KAZN: variants seen among roughly 807,000 people sequenced by gnomAD.
KAZN encodes the protein kazrin, periplakin interacting protein.
KAZN carries 40 observed loss-of-function variants against 87.4 expected under a neutral mutation model. The ratio of observed to expected loss-of-function variants is 0.46; its 90% CI spans 0.36 to 0.60. KAZN has a LOEUF of 0.60. Ranked by LOEUF, KAZN falls within the 20% of genes least tolerant of loss-of-function variation. The probability of loss-of-function intolerance (pLI) is 0.00; values close to 1 mark genes in which losing one functional copy is unlikely to be tolerated. For missense variants in KAZN, 898 were observed against 1,073.9 expected, an observed-to-expected ratio of 0.84 and a Z score of 2.29; for synonymous variants, 466 against 458.3, an observed-to-expected ratio of 1.02 and a Z score of -0.22.
At chr1:14,450,573 G>C (rs373510907) in intron 2 of KAZN, among the ~76,000 whole-genome samples, 61 of 152,230 alleles carry the variant, frequency 4.0e-4, no homozygotes, top group African/African-American at 1.4e-3. Context: ...CTGGGACACA[G>C]AACAAGACTC....
intron 1 of KAZN, among the ~76,000 whole-genome samples, chr1:14,821,944 C>A (rs1646748459): frequency 6.6e-6 from 1 of 152,184 alleles, no homozygotes; most frequent in Admixed American, 6.5e-5. Context: ...CTTACCAGAC[C>A]ACACTGCCTC....
At chr1:14,307,177 TTGAAA>T (rs1471056667) in intron 2 of KAZN, among the ~76,000 whole-genome samples, 6 of 152,160 alleles carry the variant, frequency 3.9e-5, no homozygotes, top group Admixed American at 3.9e-4. Context: ...TGATCACCTG[TTGAAA>T]TGAATCACTT....
chr1:14,219,419 T>G (rs1647042466), intron 2 of KAZN, among the ~76,000 whole-genome samples: 1 of 152,176 alleles, frequency 6.6e-6, no homozygotes, highest in Non-Finnish European at 1.5e-5. Context: ...TAATGCAGTT[T>G]TTTGTATCTG....
At chr1:14,106,863 A>G (rs549856495) in intron 1 of KAZN, among the ~76,000 whole-genome samples, 1 of 152,194 alleles carries the variant, frequency 6.6e-6, no homozygotes, top group African/African-American at 2.4e-5. Context: ...TATTAACACT[A>G]GCTGGATCAG....
At chr1:14,136,725 A>G (rs1340653584) in intron 1 of KAZN, among the ~76,000 whole-genome samples, 1 of 152,098 alleles carries the variant, frequency 6.6e-6, no homozygotes, top group Admixed American at 6.6e-5. Context: ...TCCTGGCTTG[A>G]CTTGATGAGG....
rs538680218 is a variant in KAZN at position 15,096,553 on chromosome 1, G to T, written c.1547+1620G>T. Among the ~76,000 whole-genome samples the T allele has an allele frequency of 6.0e-4, 91 of 152,120 alleles. No homozygotes were observed. The highest frequency in any genetic ancestry group is 1.2e-3 in the Non-Finnish European group (79 of 68,020). ...AAATGGGGCTGTCTTAGTCTGCTTG[G>T]GCTGCCATAACAAAATGACACCATC... On this transcript the variant is annotated intron_variant, in intron 10 of 14. Transcript: ENST00000376030. The surrounding 1 kb of genome is among the most constrained non-coding windows in gnomAD (Gnocchi z 4.5).
chr1:15,052,129 A>ATG (rs548424075), intron 4 of KAZN, among the ~76,000 whole-genome samples: 4 of 152,028 alleles, frequency 2.6e-5, no homozygotes, highest in Non-Finnish European at 5.9e-5. Flanking sequence ...GATCTAATGC[A>ATG]TGTGTGTGTG....
intron 1 of KAZN, among the ~76,000 whole-genome samples, chr1:13,967,534 C>A (rs1317926417): frequency 1.1e-4 from 16 of 152,200 alleles, no homozygotes; most frequent in Non-Finnish European, 2.1e-4. Flanking sequence ...CTGTCCCAGT[C>A]AAGTCCTGCG....
chr1:14,413,606 A>C (rs1041203302), intron 2 of KAZN, among the ~76,000 whole-genome samples: 15 of 150,144 alleles, frequency 1.0e-4, no homozygotes, highest in Non-Finnish European at 1.3e-4. Context: ...AAAAAAAAAA[A>C]AAAAAAAAAA....
At chr1:14,343,258 A>G (rs1307774337) in intron 2 of KAZN, among the ~76,000 whole-genome samples, 1 of 152,204 alleles carries the variant, frequency 6.6e-6, no homozygotes, top group Non-Finnish European at 1.5e-5. Flanking sequence ...TTGGGAGAGC[A>G]TTGATAGTTG....
At chr1:14,366,103 T>G (rs10927414) in intron 2 of KAZN, among the ~76,000 whole-genome samples, 41,042 of 152,172 alleles carry the variant, frequency 0.27, 7,053 homozygotes, top group Non-Finnish European at 0.39. Flanking sequence ...ATTAAAGCTG[T>G]CTGGTAGTCC....
At chr1:14,154,326 T>C (rs546718584) in intron 1 of KAZN, among the ~76,000 whole-genome samples, 1 of 152,384 alleles carries the variant, frequency 6.6e-6, no homozygotes, top group South Asian at 2.1e-4. Flanking sequence ...GAAATGCTAC[T>C]GATTTTGTAT....
chr1:14,142,372 A>C (rs1234736881), intron 1 of KAZN, among the ~76,000 whole-genome samples: 1 of 152,228 alleles, frequency 6.6e-6, no homozygotes, highest in African/African-American at 2.4e-5. Context: ...GTTGTTCCTA[A>C]CAGCAAATGT....
At position 13,981,091 on chromosome 1, in the gene KAZN, A is replaced by C. The variant is rs917489889; in HGVS notation, c.91+87335A>C. On this transcript the variant is annotated intron_variant, in intron 1 of 16. Transcript: ENST00000636203. Reference sequence around the variant, plus strand: ...GGAGAGGTATAAAAAATTACTCTTTATATATATATATATATATATGTATAT... The same window carrying C: ...GGAGAGGTATAAAAAATTACTCTTTCTATATATATATATATATATGTATAT... Among the ~76,000 whole-genome samples, 295 of 107,678 alleles carry C rather than the reference A, an allele frequency of 2.7e-3. 14 individuals are homozygous for C. Among genetic ancestry groups the C allele is most frequent in the African/African-American group, 0.011 (286 of 26,874 alleles). The allele number at this position is 107,678 out of a possible 152,430, so 70.6% of individuals were successfully genotyped here.
At chr1:14,533,292 A>G (rs570571334) in intron 2 of KAZN, among the ~76,000 whole-genome samples, 2 of 152,328 alleles carry the variant, frequency 1.3e-5, no homozygotes, top group South Asian at 4.1e-4. Flanking sequence ...TGGGGGGAAA[A>G]TGAGATACAT....
At chr1:15,092,297 A>G (rs538827696) in intron 8 of KAZN, among the ~76,000 whole-genome samples, 6 of 150,202 alleles carry the variant, frequency 4.0e-5, no homozygotes, top group South Asian at 4.3e-4. Context: ...CTGGTCTTGA[A>G]CTCCCGGCCT....
At chr1:14,349,630 A>G (rs1658372677) in intron 2 of KAZN, among the ~76,000 whole-genome samples, 1 of 152,130 alleles carries the variant, frequency 6.6e-6, no homozygotes, top group South Asian at 2.1e-4. Context: ...TTTACCCTCT[A>G]GGCCCCTATA....
At chr1:14,463,294 T>C (rs1327255295) in intron 2 of KAZN, among the ~76,000 whole-genome samples, 2 of 152,176 alleles carry the variant, frequency 1.3e-5, no homozygotes, top group Non-Finnish European at 2.9e-5. Flanking sequence ...GATTGGTTTT[T>C]TGCCATCTGC....
In KAZN at chr1:14,754,006, A is replaced by G. The variant is rs530102976; in HGVS notation, c.226+154783A>G. 3.9e-5 allele frequency among the ~76,000 whole-genome samples: 6 copies of G among 152,318 alleles called. No homozygotes were observed. In the East Asian group the frequency reaches 7.7e-4, roughly 20 times the overall value. Reference sequence around the variant, plus strand: ...AATGTGGGTGACCAGAGCTTCCTCTATGGGACACTTGGCTAGGACTTGGAG... The same window carrying G: ...AATGTGGGTGACCAGAGCTTCCTCTGTGGGACACTTGGCTAGGACTTGGAG... On this transcript the variant is annotated intron_variant, in intron 1 of 14. Coordinates refer to ENST00000376030, the MANE Select transcript of KAZN (RefSeq NM_201628.3).
Sources: allele counts gnomAD v4.1 joint callset (sites outside exome capture counted in the v4.1 genomes callset), GRCh38; gene constraint gnomAD v4.1.1; non-coding constraint Gnocchi (gnomAD v3.1); transcripts MANE v1.5; gene names NCBI Gene and HGNC (gene_info 2026-07-23, HGNC 2026-07-21).